The following TYW1 variants were observed in gnomAD, a reference collection of about 807,000 sequenced individuals.
The protein encoded by TYW1 is S-adenosyl-L-methionine-dependent tRNA 4-demethylwyosine synthase TYW1.
Under a neutral mutation model 96.2 loss-of-function variants are expected in TYW1, and 46 were observed. That is an observed-to-expected ratio of 0.48 (90% CI 0.38 to 0.61). The LOEUF (loss-of-function observed/expected upper bound fraction) is 0.61, where lower values mean the gene tolerates loss of function less well. Among genes scored for constraint, TYW1 ranks in the 20% least tolerant of loss-of-function variants. TYW1 has a pLI of 0.00. For missense variants in TYW1, 684 were observed against 909.6 expected (o/e 0.75, Z 3.19); for synonymous variants, 274 against 323.0 (o/e 0.85, Z 1.63).
Position 67,018,021 on chromosome 7 carries a change from G to T in TYW1, c.739G>T (p.Glu247Ter). 1 of 1,614,116 alleles carries T rather than the reference G, an allele frequency of 6.2e-7. No homozygotes were observed. The highest frequency in any genetic ancestry group is 1.3e-5 in the African/African-American group (1 of 75,052). ...ISQLQALQKG[E>*]RKKSCGGHCK... The stretch of plus-strand genomic sequence containing the variant: ...CCAGCTGCAGGCACTTCAGAAAGGG[G>T]AGAGAAAGAAGTCCTGTGGCGGCCA... The change falls in exon 6 of 16, where the codon GAG becomes TAG. Residue 247 changes from glutamate to a stop codon, truncating the protein, a stop_gained. Coordinates refer to ENST00000359626, the MANE Select transcript of TYW1 (RefSeq NM_018264.4). LOFTEE classifies it high-confidence loss of function.
chr7:67,191,155 C>T lies in TYW1; in HGVS notation c.1810-4015C>T, dbSNP rs576458035. Among the ~76,000 whole-genome samples, 18 of 152,280 alleles carry T rather than the reference C, an allele frequency of 1.2e-4. No individual in the cohort carries two copies. In the South Asian group the frequency reaches 1.7e-3, roughly 14 times the overall value. On this transcript the variant is annotated intron_variant, in intron 14 of 15. Coordinates refer to ENST00000359626, the MANE Select transcript of TYW1 (RefSeq NM_018264.4). ...AGGCAGAGAAAGAGAGACAGACGGA[C>T]GGACAGAGAGACAGACAGATGGACA...
chr7:67,173,864 G>A (rs1455738247), intron 13 of TYW1, among the ~76,000 whole-genome samples: 3 of 139,058 alleles, frequency 2.2e-5, no homozygotes, highest in African/African-American at 8.5e-5. Context: ...ATGCTTTTTG[G>A]CATCTATTGA....
chr7:67,167,947 C>G (rs9654850), intron 13 of TYW1, among the ~76,000 whole-genome samples: 42,271 of 151,138 alleles, frequency 0.28, 6,429 homozygotes, highest in African/African-American at 0.4. Flanking sequence ...TAGAGACGGG[C>G]TTTCACCATC....
chr7:67,022,229 A>G (rs1251769749), intron 6 of TYW1, among the ~76,000 whole-genome samples: 4 of 152,124 alleles, frequency 2.6e-5, no homozygotes, highest in African/African-American at 9.7e-5. Context: ...TTAATTTTTT[A>G]AAATAAAAGT....
At chr7:67,201,307 AAACAAC>A (rs200234600) in intron 15 of TYW1, among the ~76,000 whole-genome samples, 18,934 of 113,700 alleles carry the variant, frequency 0.17, 3,586 homozygotes, top group East Asian at 0.41. Flanking sequence ...TCCATTTCTA[AAACAAC>A]AACAACAACA....
intron 13 of TYW1, among the ~76,000 whole-genome samples, chr7:67,151,814 T>C (rs535326444): frequency 1.3e-5 from 2 of 151,986 alleles, no homozygotes; most frequent in African/African-American, 4.8e-5. Context: ...TTTGTTGTTG[T>C]TGTTGTTGTT....
At chr7:67,117,056 G>A (rs777399719) in intron 12 of TYW1, among the ~76,000 whole-genome samples, 3 of 152,100 alleles carry the variant, frequency 2.0e-5, no homozygotes, top group East Asian at 1.9e-4. Flanking sequence ...GAAGACTTCC[G>A]TCAGTGATTG....
At chr7:67,230,119 C>T (rs1467966095) in intron 15 of TYW1, among the ~76,000 whole-genome samples, 1 of 151,852 alleles carries the variant, frequency 6.6e-6, no homozygotes, top group East Asian at 1.9e-4. Flanking sequence ...TGGCCCTCTA[C>T]TTCCTTAGGA....
At chr7:67,109,566 C>T (rs1346794152) in intron 12 of TYW1, among the ~76,000 whole-genome samples, 1 of 152,152 alleles carries the variant, frequency 6.6e-6, no homozygotes, top group Non-Finnish European at 1.5e-5. Context: ...CTATTCCATT[C>T]TCACTTTCCC....
In TYW1 at chr7:67,131,914, G is replaced by A. The variant is rs191248872; in HGVS notation, c.1698+14296G>A. Among the ~76,000 whole-genome samples the A allele has an allele frequency of 3.1e-3, 468 of 152,310 alleles. 1 individual carries two copies. The highest frequency in any genetic ancestry group is 0.011 in the African/African-American group (437 of 41,576). On this transcript the variant is annotated intron_variant, in intron 13 of 15. Transcript: ENST00000359626. Reference sequence around the variant, plus strand: ...AGAAAGATGAAGGCCAGAAGACTCAGCCAGTCTAGTTTTTCCACGTTCTTC... The same window carrying A: ...AGAAAGATGAAGGCCAGAAGACTCAACCAGTCTAGTTTTTCCACGTTCTTC...
intron 10 of TYW1, among the ~76,000 whole-genome samples, chr7:67,080,221 T>C (rs1320582446): frequency 2.0e-5 from 3 of 152,192 alleles, no homozygotes; most frequent in Admixed American, 2.0e-4. Flanking sequence ...CCATTAGATC[T>C]CATAATGTTT....
At chr7:67,028,276 C>A (rs1355179512) in intron 7 of TYW1, among the ~76,000 whole-genome samples, 1 of 148,160 alleles carries the variant, frequency 6.7e-6, no homozygotes, top group East Asian at 2.0e-4. Flanking sequence ...GTCCAGGTGC[C>A]GTGGCTCACG....
At chr7:67,041,124 T>C (rs1285345240) in intron 7 of TYW1, among the ~76,000 whole-genome samples, 1 of 152,202 alleles carries the variant, frequency 6.6e-6, no homozygotes, top group Non-Finnish European at 1.5e-5. Flanking sequence ...ACGTGTTTTT[T>C]CCCAATTTTG....
chr7:67,146,382 G>A (rs973512801), intron 13 of TYW1, among the ~76,000 whole-genome samples: 2 of 151,588 alleles, frequency 1.3e-5, no homozygotes, highest in Non-Finnish European at 2.9e-5. Context: ...AATATTTATT[G>A]AGTGCTTAAT....
intron 13 of TYW1, among the ~76,000 whole-genome samples, chr7:67,139,455 A>C (rs184392230): frequency 1.3e-5 from 2 of 152,136 alleles, no homozygotes; most frequent in Non-Finnish European, 2.9e-5. Flanking sequence ...ACATATGCAT[A>C]TACACATATG....
chr7:67,138,290 C>T (rs1344683975), intron 13 of TYW1, among the ~76,000 whole-genome samples: 1 of 152,052 alleles, frequency 6.6e-6, no homozygotes, highest in Non-Finnish European at 1.5e-5. Context: ...ATAATAATAA[C>T]TCTATGAAGG....
intron 15 of TYW1, among the ~76,000 whole-genome samples, chr7:67,220,620 G>A (rs1010841197): frequency 1.3e-5 from 2 of 152,260 alleles, no homozygotes; most frequent in African/African-American, 4.8e-5. Flanking sequence ...CCTGGAAAAT[G>A]TCCCATGTGT....
intron 11 of TYW1, among the ~76,000 whole-genome samples, chr7:67,087,429 G>C (rs1232906476): frequency 1.3e-5 from 2 of 152,180 alleles, no homozygotes; most frequent in Non-Finnish European, 2.9e-5. Context: ...GGATAGCAGA[G>C]AGAAAGAATA....
intron 7 of TYW1, among the ~76,000 whole-genome samples, chr7:67,029,067 C>T (rs1052541980): frequency 4.6e-5 from 7 of 151,332 alleles, no homozygotes; most frequent in African/African-American, 1.7e-4. Context: ...GGCGCAATCT[C>T]GGCTCACTGC....
Sources: gnomAD v4.1 joint callset for allele counts (sites outside exome capture counted in the v4.1 genomes callset) on GRCh38, gnomAD v4.1.1 for gene constraint, MANE v1.5 for transcripts, NCBI Gene and HGNC (gene_info 2026-07-23, HGNC 2026-07-21) for gene names.